Variants in TPTE observed in about 807,000 individuals in gnomAD.
TPTE encodes transmembrane phosphatase with tensin homology.
A neutral mutation model predicts 84.1 loss-of-function variants in TPTE; 59 were observed. The observed-to-expected ratio is 0.70, with a 90% confidence interval of 0.57 to 0.87. The LOEUF is 0.87. TPTE is among the 40% of genes least tolerant of loss of function. The pLI is 0.00. For synonymous variants in TPTE, 130 were observed against 223.5 expected (o/e 0.58, Z 3.73); for missense variants, 382 against 659.6 (o/e 0.58, Z 4.61).
At chr21:10,597,811 T>G (rs1297489778) in intron 20 of TPTE, among the ~76,000 whole-genome samples, 10 of 151,406 alleles carry the variant, frequency 6.6e-5, no homozygotes, top group Non-Finnish European at 1.5e-4. Flanking sequence ...TTCTCTCATC[T>G]TATAAAATCT....
Position 10,541,114 on chromosome 21 carries a change from C to G in TPTE, c.14C>G (p.Pro5Arg). ...CTCTGACCATATTTGTCCTTTAGTC[C>G]TGATCCGACTGACCTGGCGGGAGTC... The part of the protein sequence containing the change: MNES[P>R]DPTDLAGVII... The change falls in exon 5 of 24, where the codon CCT becomes CGT. Residue 5 changes from proline (P) to arginine (R), a missense_variant and splice_region_variant. Pro to Arg is a moderately radical substitution (Grantham distance 103). This residue lies in a region of TPTE where 63 missense variants were observed against 49.5 expected (regional missense o/e 1.27). Coordinates refer to ENST00000618007, the MANE Select transcript of TPTE (RefSeq NM_199261.4). The G allele has an allele frequency of 6.2e-7, 1 of 1,613,138 alleles. No homozygotes were observed. The highest frequency in any genetic ancestry group is 8.5e-7 in the Non-Finnish European group (1 of 1,179,206).
intron 9 of TPTE, among the ~76,000 whole-genome samples, chr21:10,560,269 A>G (rs1248487931): frequency 1.5e-4 from 23 of 152,414 alleles, no homozygotes; most frequent in African/African-American, 5.0e-4. Flanking sequence ...ATTTACTTAG[A>G]CTCTTCTCTA....
intron 17 of TPTE, among the ~76,000 whole-genome samples, chr21:10,588,942 T>C (rs1225328178): frequency 6.6e-6 from 1 of 152,304 alleles, no homozygotes; most frequent in Non-Finnish European, 1.5e-5. Context: ...ATTTCAACCT[T>C]GAATCTCATT....
intron 3 of TPTE, among the ~76,000 whole-genome samples, chr21:10,529,836 A>G (rs1478270156): frequency 2.6e-5 from 4 of 152,310 alleles, no homozygotes; most frequent in East Asian, 1.9e-4. Flanking sequence ...TGTTCCACAT[A>G]AAACTTTCAT....
chr21:10,559,457 G>A (rs775065523), intron 8 of TPTE, 37 bp from the exon 9 acceptor site: 1 of 1,611,506 alleles, frequency 6.2e-7, no homozygotes, highest in African/African-American at 1.3e-5. Context: ...TATGTTAGAA[G>A]AAATCTGATT....
intron 14 of TPTE, among the ~76,000 whole-genome samples, chr21:10,572,466 A>C (rs1396276782): frequency 2.6e-5 from 4 of 152,082 alleles, no homozygotes; most frequent in Non-Finnish European, 5.9e-5. Flanking sequence ...AAAAAAAAAA[A>C]AAAAAAGGAA....
chr21:10,563,126 A>T (rs2074842434), intron 10 of TPTE, among the ~76,000 whole-genome samples: 2 of 152,312 alleles, frequency 1.3e-5, no homozygotes, highest in Admixed American at 1.3e-4. Context: ...GCTGAAGGAA[A>T]AAAACATTTA....
chr21:10,590,569 G>A lies in TPTE; in HGVS notation c.1089+46G>A, dbSNP rs773312239. The A allele has an allele frequency of 1.2e-5, 20 of 1,612,028 alleles. No homozygotes were observed. In the African/African-American group the frequency reaches 2.4e-4, roughly 19 times the overall value. The stretch of plus-strand genomic sequence containing the variant: ...ACTTTGTCTTAGGATGATTGAGTTT[G>A]CTAGTTCTGAAACATCACTGGCAGG... On this transcript the variant is annotated intron_variant, in intron 18 of 23. Transcript: ENST00000618007.
intron 7 of TPTE, among the ~76,000 whole-genome samples, chr21:10,548,603 G>C (rs1196014143): frequency 1.4e-3 from 216 of 152,350 alleles, no homozygotes; most frequent in African/African-American, 5.0e-3. Context: ...ACATATCCAG[G>C]ACAGCTGAGA....
In TPTE at chr21:10,544,659, C is replaced by T. The variant is rs1372455616; in HGVS notation, c.173+1277C>T. On this transcript the variant is annotated intron_variant, in intron 7 of 23. Transcript: ENST00000618007. ...TCAGCCTCCCAAACTGCTGGGTTTA[C>T]GGTCATGAGCCATCAGATTGTATGG... is the stretch of plus-strand genomic sequence containing the variant. Among the ~76,000 whole-genome samples, 27 of 152,420 alleles carry T rather than the reference C, an allele frequency of 1.8e-4. No homozygotes were observed. The South Asian group carries it at 1.9e-3, about 11-fold the overall frequency.
intron 21 of TPTE, among the ~76,000 whole-genome samples, chr21:10,598,681 C>T (rs1338935847): frequency 1.3e-5 from 2 of 152,298 alleles, no homozygotes; most frequent in Non-Finnish European, 2.9e-5. Flanking sequence ...CCTCTTTATC[C>T]AAAGCAAAAG....
intron 4 of TPTE, among the ~76,000 whole-genome samples, chr21:10,539,279 G>A (rs1353134297): frequency 6.6e-6 from 1 of 152,306 alleles, no homozygotes; most frequent in East Asian, 1.9e-4. Context: ...ACATGGACTT[G>A]TCCCTCACAC....
intron 6 of TPTE, 143 bp downstream of exon 6, chr21:10,542,591 TCATCCATCCATC>T: frequency 8.9e-7 from 1 of 1,127,852 alleles, no homozygotes. Flanking sequence ...ATCCATCCAT[TCATCCATCCATC>T]CATTCATCCA....
chr21:10,539,165 C>A (rs1243069165), intron 4 of TPTE, among the ~76,000 whole-genome samples: 3 of 152,310 alleles, frequency 2.0e-5, no homozygotes, highest in African/African-American at 7.2e-5. Context: ...TGAGAGCCTA[C>A]CAGATTGACA....
chr21:10,568,434 G>T (rs11184127), intron 11 of TPTE, among the ~76,000 whole-genome samples: 1,403 of 150,122 alleles, frequency 9.3e-3, no homozygotes, highest in Non-Finnish European at 0.014. Flanking sequence ...AAGTGGGATT[G>T]GGAAACTAAA....
At chr21:10,562,628 AAGAATGCATT>A (rs2074832046) in intron 10 of TPTE, among the ~76,000 whole-genome samples, 1 of 152,306 alleles carries the variant, frequency 6.6e-6, no homozygotes, top group East Asian at 1.9e-4. Context: ...TGGCATGCCG[AAGAATGCATT>A]AGAGTCTTTT....
At chr21:10,588,791 C>T (rs1158056833) in intron 17 of TPTE, among the ~76,000 whole-genome samples, 1 of 152,310 alleles carries the variant, frequency 6.6e-6, no homozygotes, top group Non-Finnish European at 1.5e-5. Flanking sequence ...CTACTTTGTC[C>T]AGTCTGTTGA....
At chr21:10,572,904 A>G (rs1381069018) in intron 14 of TPTE, among the ~76,000 whole-genome samples, 2 of 152,304 alleles carry the variant, frequency 1.3e-5, no homozygotes, top group African/African-American at 4.8e-5. Context: ...AAGATTAAAA[A>G]AAAAAGGTGA....
At chr21:10,522,317 TGCGGGGTTCCCTGAGTCTCCGCCGGGA>T (rs1211464465) in intron 1 of TPTE, among the ~76,000 whole-genome samples, 2 of 135,366 alleles carry the variant, frequency 1.5e-5, no homozygotes, top group African/African-American at 5.5e-5. Flanking sequence ...GGGCTTGGGG[TGCGGGGTTCCCTGAGTCTCCGCCGGGA>T]GCGGGGGTCC....
Sources: allele counts gnomAD v4.1 joint callset (sites outside exome capture counted in the v4.1 genomes callset), GRCh38; gene constraint gnomAD v4.1.1; regional missense constraint gnomAD v4.1.1; transcripts MANE v1.5; gene names NCBI Gene and HGNC (gene_info 2026-07-23, HGNC 2026-07-21).